RNF141: variants seen among roughly 807,000 people sequenced by gnomAD.
RNF141 encodes ring finger protein 141, also known as C3HC4-like zinc finger protein.
Under a neutral mutation model 27.4 loss-of-function variants are expected in RNF141, and 18 were observed. That is an observed-to-expected ratio of 0.66 (90% CI 0.45 to 0.97). RNF141 has a LOEUF of 0.97. Ranked by LOEUF, RNF141 falls within the 50% of genes least tolerant of loss-of-function variation. The pLI is 0.00. For missense variants in RNF141, 230 were observed against 279.4 expected (o/e 0.82, Z 1.26); for synonymous variants, 97 against 96.6 (o/e 1.00, Z -0.02).
Position 10,512,391 on chromosome 11 carries a change from T to A in RNF141, c.*2525A>T, listed in dbSNP as rs960562226. ...TGATAAGGCTAATAACATTTTATAT[T>A]CACAGTAGATCAGTAAGTGTCTTGG... On this transcript the variant is annotated 3_prime_UTR_variant, in exon 6 of 6. Coordinates refer to ENST00000265981, the MANE Select transcript of RNF141 (RefSeq NM_016422.4). The A allele has an allele frequency of 6.6e-6, 1 of 152,640 alleles. No homozygotes were observed. Among genetic ancestry groups the A allele is most frequent in the Admixed American group, 6.5e-5 (1 of 15,288 alleles). The allele number at this position is 152,640 out of a possible 1,614,324, so 9.5% of individuals were successfully genotyped here. A position where few individuals can be genotyped will look rare whatever the true frequency, so the allele number is the denominator to read the frequency against.
In RNF141 at chr11:10,512,128, C is replaced by G. The variant is rs1849805421; in HGVS notation, c.*2788G>C. On this transcript the variant is annotated 3_prime_UTR_variant, in exon 6 of 6. Transcript: ENST00000265981. ...ACAAATTCCTTAGAGTTCATGAAAC[C>G]ACTTCACAAATCCTAGAAGGCACAC... The G allele has an allele frequency of 6.6e-6, 1 of 152,558 alleles. No individual in the cohort carries two copies. Among genetic ancestry groups the G allele is most frequent in the Admixed American group, 6.6e-5 (1 of 15,266 alleles). 9.5% of individuals were successfully genotyped at this position (152,558 alleles called of 1,614,324 possible).
At chr11:10,521,734 T>G (rs554809241) in intron 4 of RNF141, among the ~76,000 whole-genome samples, 1 of 152,190 alleles carries the variant, frequency 6.6e-6, no homozygotes, top group African/African-American at 2.4e-5. Context: ...ATAGAAGACA[T>G]TCTAGGTGCA....
At chr11:10,519,295 C>A (rs1200812974) in intron 4 of RNF141, among the ~76,000 whole-genome samples, 154 bp from the exon 5 acceptor site, 3 of 152,024 alleles carry the variant, frequency 2.0e-5, no homozygotes, top group African/African-American at 7.2e-5. Flanking sequence ...TTAATATTAT[C>A]TTTTAGGGAT....
At chr11:10,520,707 T>C (rs984943394) in intron 4 of RNF141, among the ~76,000 whole-genome samples, 22 of 152,248 alleles carry the variant, frequency 1.4e-4, no homozygotes, top group Non-Finnish European at 2.9e-5. Flanking sequence ...TTTTATACTA[T>C]GAGCAGCACA....
chr11:10,523,745 GA>G (rs35239960), intron 4 of RNF141, among the ~76,000 whole-genome samples: 104,435 of 152,010 alleles, frequency 0.69, 36,108 homozygotes, highest in East Asian at 0.84. Context: ...ACTGTAACAA[GA>G]AAAAAACAAT....
At chr11:10,536,136 G>A (rs1850032590) in intron 1 of RNF141, among the ~76,000 whole-genome samples, 1 of 152,136 alleles carries the variant, frequency 6.6e-6, no homozygotes, top group Non-Finnish European at 1.5e-5. Flanking sequence ...CCTATAAAAG[G>A]GGGACTTGAC....
chr11:10,530,397 A>G (rs1229138153), intron 3 of RNF141, among the ~76,000 whole-genome samples: 1 of 152,196 alleles, frequency 6.6e-6, no homozygotes, highest in Admixed American at 6.5e-5. Context: ...GAAGATTAGT[A>G]TGATGTAATG....
Position 10,534,154 on chromosome 11 carries a change from C to A in RNF141, c.5G>T (p.Gly2Val). M[G>V]QQISDQTQLV... Reference sequence around the variant, plus strand: ...CTGTGTCTGATCCGAAATTTGCTGTCCCATGATGAAAAGATGTCTTTCAAA... The same window carrying A: ...CTGTGTCTGATCCGAAATTTGCTGTACCATGATGAAAAGATGTCTTTCAAA... The change falls in exon 2 of 6, where the codon GGA becomes GTA. Residue 2 changes from glycine to valine, a missense_variant. Transcript: ENST00000265981. 6.2e-7 allele frequency: 1 copy of A among 1,612,204 alleles called. No individual in the cohort carries two copies. The highest frequency in any genetic ancestry group is 8.5e-7 in the Non-Finnish European group (1 of 1,179,148).
rs371796921 is a variant in RNF141, at chr11:10,534,076, C to T, written c.83G>A (p.Arg28Gln). 9 of 1,613,660 alleles carry T rather than the reference C, an allele frequency of 5.6e-6. No homozygotes were observed. Among genetic ancestry groups the T allele is most frequent in the Non-Finnish European group, 7.6e-6 (9 of 1,179,672 alleles). The change falls in exon 2 of 6, where the codon CGA (arginine) becomes CAA (glutamine). Residue 28 changes from arginine to glutamine, a missense_variant. Transcript: ENST00000265981. ...EKVAKHVTLVRESGSLTYEEF... is the reference protein window; with the variant it reads ...EKVAKHVTLVQESGSLTYEEF... Reference sequence around the variant, plus strand: ...TTCATAAGTTAAGGAGCCACTCTCTCGAACCAACGTAACATGTTTTGCTAC... The same window carrying T: ...TTCATAAGTTAAGGAGCCACTCTCTTGAACCAACGTAACATGTTTTGCTAC...
intron 2 of RNF141, among the ~76,000 whole-genome samples, chr11:10,532,503 A>G (rs1319657818): frequency 1.5e-5 from 1 of 66,842 alleles, no homozygotes; most frequent in South Asian, 4.1e-4. Flanking sequence ...TTCTACACAC[A>G]CACACACACA....
At chr11:10,537,403 GA>G (rs1258897267) in intron 1 of RNF141, among the ~76,000 whole-genome samples, 1 of 152,096 alleles carries the variant, frequency 6.6e-6, no homozygotes, top group Non-Finnish European at 1.5e-5. Context: ...CAACCAGGCT[GA>G]AAACTTTGAA....
chr11:10,524,372 G>A (rs977295293), intron 4 of RNF141, among the ~76,000 whole-genome samples: 11 of 152,060 alleles, frequency 7.2e-5, no homozygotes, highest in Non-Finnish European at 1.6e-4. Context: ...CCGAGATCGC[G>A]CCTGGGCGAC....
rs1387013657 is a variant in RNF141 at position 10,541,163 on chromosome 11, C to G, written c.-89G>C. On this transcript the variant is annotated 5_prime_UTR_variant, in exon 1 of 6. Coordinates refer to ENST00000265981, the MANE Select transcript of RNF141 (RefSeq NM_016422.4). ...CGCGCACCCTGCGGCAGCGGCTGCG[C>G]TGCCTCAGCCCACAGCTCAGACCTG... is the stretch of plus-strand genomic sequence containing the variant. 6.6e-6 allele frequency: 1 copy of G among 152,382 alleles called. No homozygotes were observed. Among genetic ancestry groups the G allele is most frequent in the Non-Finnish European group, 1.5e-5 (1 of 68,178 alleles). The allele number at this position is 152,382 out of a possible 1,614,324, so 9.4% of individuals were successfully genotyped here. A position where few individuals can be genotyped will look rare whatever the true frequency, so the allele number is the denominator to read the frequency against.
chr11:10,535,924 T>C (rs1293879069), intron 1 of RNF141, among the ~76,000 whole-genome samples: 1 of 152,194 alleles, frequency 6.6e-6, no homozygotes, highest in African/African-American at 2.4e-5. Flanking sequence ...GCCACTGTGT[T>C]ACAGGACTTT....
intron 5 of RNF141, among the ~76,000 whole-genome samples, chr11:10,517,937 T>TA: frequency 6.6e-6 from 1 of 152,258 alleles, no homozygotes; most frequent in South Asian, 2.1e-4. Context: ...AAATACCATT[T>TA]AAAATAGCAT....
intron 3 of RNF141, among the ~76,000 whole-genome samples, chr11:10,527,651 G>C (rs936515526): frequency 3.3e-5 from 5 of 150,262 alleles, no homozygotes; most frequent in Admixed American, 2.0e-4. Context: ...GTCACGGGGG[G>C]GGGTTTTGAG....
intron 4 of RNF141, among the ~76,000 whole-genome samples, chr11:10,521,606 G>C (rs1849888277): frequency 6.6e-6 from 1 of 152,122 alleles, no homozygotes; most frequent in Non-Finnish European, 1.5e-5. Flanking sequence ...ATTTTGATTT[G>C]AATGTAAAAA....
chr11:10,524,306 T>C (rs1346144141), intron 4 of RNF141, among the ~76,000 whole-genome samples: 1 of 152,040 alleles, frequency 6.6e-6, no homozygotes, highest in African/African-American at 2.4e-5. Context: ...TCCCAGCTAC[T>C]TGGGAGGCTG....
At chr11:10,528,720 C>T (rs1455201847) in intron 3 of RNF141, among the ~76,000 whole-genome samples, 2 of 152,138 alleles carry the variant, frequency 1.3e-5, no homozygotes, top group African/African-American at 4.8e-5. Context: ...CTATCCCAGT[C>T]ATTTAAAAAG....
Sources: gnomAD v4.1 joint callset for allele counts (sites outside exome capture counted in the v4.1 genomes callset) on GRCh38, gnomAD v4.1.1 for gene constraint, MANE v1.5 for transcripts, NCBI Gene and HGNC (gene_info 2026-07-23, HGNC 2026-07-21) for gene names.